TPO: variants seen among roughly 807,000 people sequenced by gnomAD.
TPO encodes thyroid microsomal antigen.
Under a neutral mutation model 96.9 loss-of-function variants are expected in TPO, and 78 were observed. The observed-to-expected ratio is 0.81, with a 90% CI of 0.67 to 0.97. The LOEUF (loss-of-function observed/expected upper bound fraction) is 0.97. Among genes scored for constraint, TPO ranks in the 50% least tolerant of loss-of-function variants. The pLI is 0.00. For missense variants in TPO, 1,252 were observed against 1,274.8 expected, an observed-to-expected ratio of 0.98 and a Z score of 0.27; for synonymous variants, 547 against 538.0, an observed-to-expected ratio of 1.02 and a Z score of -0.23.
intron 15 of TPO, among the ~76,000 whole-genome samples, chr2:1,539,037 TCCAC>T (rs1045298595): frequency 2.6e-5 from 4 of 152,088 alleles, no homozygotes; most frequent in African/African-American, 9.7e-5. Flanking sequence ...GATTCCAGGT[TCCAC>T]CCTACCCCAG....
At chr2:1,405,211 A>G (rs922606158) in intron 1 of TPO, among the ~76,000 whole-genome samples, 5 of 148,638 alleles carry the variant, frequency 3.4e-5, no homozygotes, top group Non-Finnish European at 7.4e-5. Flanking sequence ...CCATCCACTC[A>G]TTCATTCATC....
At chr2:1,392,646 T>A (rs2148360560) in intron 1 of TPO, among the ~76,000 whole-genome samples, 1 of 152,134 alleles carries the variant, frequency 6.6e-6, no homozygotes. Flanking sequence ...GACTGGTTGG[T>A]AGGCTATTAT....
chr2:1,516,134 T>C lies in TPO; in HGVS notation c.2519-749T>C, dbSNP rs28913004. Among the ~76,000 whole-genome samples, 1,254 of 152,182 alleles carry C rather than the reference T, an allele frequency of 8.2e-3. 22 individuals are homozygous for C. Among genetic ancestry groups the C allele is most frequent in the African/African-American group, 0.028 (1,182 of 41,496 alleles). On this transcript the variant is annotated intron_variant, in intron 14 of 16. Transcript: ENST00000329066. ...GGAGCCGTTACTCAGTCCCCGGCTTTTTCAGATGAAGACACAGGTCCAGGT... is the reference window on the plus strand; with the variant it reads ...GGAGCCGTTACTCAGTCCCCGGCTTCTTCAGATGAAGACACAGGTCCAGGT...
intron 15 of TPO, among the ~76,000 whole-genome samples, chr2:1,529,161 T>G: frequency 3.5e-5 from 1 of 28,876 alleles, no homozygotes; most frequent in African/African-American, 1.8e-4. Flanking sequence ...CCTCCCTGAA[T>G]CCCCCCACTG....
chr2:1,499,477 G>C (rs1436869609), intron 13 of TPO, among the ~76,000 whole-genome samples: 7 of 152,160 alleles, frequency 4.6e-5, no homozygotes, highest in Admixed American at 4.6e-4. Context: ...CAGGGTGCAG[G>C]GGCCTGTCTC....
At chr2:1,503,679 G>A in intron 13 of TPO, 1 of 649,836 alleles carries the variant, frequency 1.5e-6, no homozygotes, top group Non-Finnish European at 2.9e-6. Context: ...TTTCCTCCAG[G>A]AAGTCTCCTG....
chr2:1,535,669 C>T (rs1215180749), intron 15 of TPO, among the ~76,000 whole-genome samples: 1 of 96,472 alleles, frequency 1.0e-5, no homozygotes, highest in Non-Finnish European at 2.2e-5. Flanking sequence ...AATCCCCCCA[C>T]TCTGTGCAAC....
rs140676857 is a variant in TPO, at chr2:1,424,999, A to C, written c.179+1870A>C. Among the ~76,000 whole-genome samples the C allele has an allele frequency of 7.0e-4, 24 of 34,488 alleles. 2 individuals are homozygous for C. The highest frequency in any genetic ancestry group is 0.017 in the Middle Eastern group (1 of 58). The allele number at this position is 34,488 out of a possible 152,430, so 22.6% of individuals were successfully genotyped here. A position where few individuals can be genotyped will look rare whatever the true frequency, so the allele number is the denominator to read the frequency against. ...TTCTAGATGCCGGGATACAGAGATG[A>C]GTTTGATCATTTCATATCCTCAGAA... On this transcript the variant is annotated intron_variant, in intron 3 of 16. Transcript: ENST00000329066.
intron 7 of TPO, among the ~76,000 whole-genome samples, chr2:1,457,991 C>CGT (rs1336767371): frequency 6.7e-6 from 1 of 148,672 alleles, no homozygotes; most frequent in Non-Finnish European, 1.5e-5. Context: ...TGTGTGGGCA[C>CGT]GTGTGTATAT....
At chr2:1,384,184 G>C (rs904054755) in intron 1 of TPO, among the ~76,000 whole-genome samples, 24 of 152,298 alleles carry the variant, frequency 1.6e-4, no homozygotes, top group Non-Finnish European at 2.2e-4. Flanking sequence ...GCTTAGGATT[G>C]ACCTGGCAAT....
intron 15 of TPO, among the ~76,000 whole-genome samples, chr2:1,527,354 C>A (rs1280460877): frequency 3.9e-5 from 5 of 129,186 alleles, no homozygotes; most frequent in Admixed American, 8.3e-5. Context: ...CCGTGAGCAA[C>A]CTCCCCAAAT....
Position 1,477,516 on chromosome 2 carries a change from TG to T in TPO, c.1252del (p.Ala418ProfsTer33). On this transcript the variant is annotated frameshift_variant, in exon 8 of 17. Coordinates refer to ENST00000329066, the MANE Select transcript of TPO (RefSeq NM_001206744.2). LOFTEE classifies it high-confidence loss of function. ...CTGTGGCTGCGCGAGCACAACCGCC[TG>T]GCCGCGGCGCTCAAGGCCCTCAATG... The part of the protein sequence containing the change: ...HTLWLREHNR[L>X]AAALKALNAH... 1 of 1,532,716 alleles carries T rather than the reference TG, an allele frequency of 6.5e-7. No individual in the cohort carries two copies. Among genetic ancestry groups the T allele is most frequent in the Non-Finnish European group, 8.7e-7 (1 of 1,144,930 alleles). The allele number at this position is 1,532,716 out of a possible 1,614,324, so 94.9% of individuals were successfully genotyped here. A position where few individuals can be genotyped will look rare whatever the true frequency, so the allele number is the denominator to read the frequency against.
intron 9 of TPO, 41 bp from the exon 10 acceptor site, chr2:1,487,780 G>A (rs752878859): frequency 5.6e-6 from 9 of 1,612,818 alleles, no homozygotes; most frequent in Non-Finnish European, 7.6e-6. Flanking sequence ...CTCTAGAACT[G>A]AGCCAAGAGC....
chr2:1,453,749 G>A lies in TPO; in HGVS notation c.538G>A (p.Val180Ile). ...GGCCCTGGCACGATGGCTCCCTCCA[G>A]TCTATGAGGACGGCTTCAGTCAGCC... ...NTALARWLPP[V>I]YEDGFSQPRG... Residue 180 changes from valine (V) to isoleucine (I), a missense_variant, in exon 6 of 17, where the codon GTC becomes ATC. Transcript: ENST00000329066. 1 of 1,613,948 alleles carries A rather than the reference G, an allele frequency of 6.2e-7. No homozygotes were observed. The highest frequency in any genetic ancestry group is 1.1e-5 in the South Asian group (1 of 91,074).
intron 11 of TPO, 70 bp downstream of exon 11, chr2:1,494,109 GC>G: frequency 6.8e-7 from 1 of 1,480,388 alleles, no homozygotes; most frequent in Non-Finnish European, 9.4e-7. Context: ...TGGTTCTGAA[GC>G]CAGCCAGACC....
At chr2:1,540,443 C>A in intron 15 of TPO, 151 bp from the exon 16 acceptor site, 1 of 1,557,766 alleles carries the variant, frequency 6.4e-7, no homozygotes, top group Non-Finnish European at 8.7e-7. Flanking sequence ...AGATTATGAT[C>A]GACTTGACTG....
chr2:1,449,731 C>T (rs993660965), intron 5 of TPO, among the ~76,000 whole-genome samples: 7 of 152,082 alleles, frequency 4.6e-5, no homozygotes, highest in South Asian at 2.1e-4. Context: ...CTTATGAAAT[C>T]GCAGAACATA....
chr2:1,503,902 G>T (rs1301507507), intron 13 of TPO, 46 bp from the exon 14 acceptor site: 2 of 1,613,998 alleles, frequency 1.2e-6, no homozygotes, highest in Middle Eastern at 1.6e-4. Context: ...GGGAGATGGG[G>T]GTGCAGCCGC....
At chr2:1,533,340 G>C (rs1338870759) in intron 15 of TPO, among the ~76,000 whole-genome samples, 17 of 60,264 alleles carry the variant, frequency 2.8e-4, no homozygotes, top group African/African-American at 1.1e-3. Context: ...TCCCCCCACT[G>C]TGTGCAACCT....
Sources: gnomAD v4.1 joint callset for allele counts (sites outside exome capture counted in the v4.1 genomes callset) on GRCh38, gnomAD v4.1.1 for gene constraint, MANE v1.5 for transcripts, NCBI Gene and HGNC (gene_info 2026-07-23, HGNC 2026-07-21) for gene names.